The following LSAMP variants were observed in gnomAD, a reference collection of about 807,000 sequenced individuals.
The protein encoded by LSAMP is limbic system-associated membrane protein.
Under a neutral mutation model 38.6 loss-of-function variants are expected in LSAMP, and 7 were observed. That is an observed-to-expected ratio of 0.18 (90% CI 0.10 to 0.34). The LOEUF is 0.34. LSAMP is among the 10% of genes least tolerant of loss of function. LSAMP has a pLI of 1.00. For synonymous variants in LSAMP, 154 were observed against 166.8 expected (o/e 0.92, Z 0.59); for missense variants, 313 against 420.0 (o/e 0.75, Z 2.23).
intron 1 of LSAMP, among the ~76,000 whole-genome samples, chr3:116,175,476 A>T (rs554052316): frequency 6.6e-6 from 1 of 152,150 alleles, no homozygotes; most frequent in African/African-American, 2.4e-5. Flanking sequence ...GAACACTATA[A>T]CTTATTTGTC....
intron 3 of LSAMP, among the ~76,000 whole-genome samples, chr3:115,992,122 AAT>A (rs1261805615): frequency 6.6e-6 from 1 of 152,070 alleles, no homozygotes; most frequent in Admixed American, 6.6e-5. Context: ...TTTTGTATAA[AAT>A]ATGTTATAAA....
rs543257530 is a variant in LSAMP at position 116,356,199 on chromosome 3, A to G, written c.155+88678T>C. On this transcript the variant is annotated intron_variant, in intron 1 of 6. Coordinates refer to ENST00000490035, the MANE Select transcript of LSAMP (RefSeq NM_002338.5). ...CAATCTAAGTGTCCATCAACAGACA[A>G]GTAGATAAAGAAGATGTACATATTA... Among the ~76,000 whole-genome samples the G allele has an allele frequency of 7.4e-4, 113 of 152,342 alleles. 1 individual carries two copies. The highest frequency in any genetic ancestry group is 3.4e-3 in the Middle Eastern group (1 of 294).
In LSAMP at chr3:116,108,537, G is replaced by C. The variant is rs185724432; in HGVS notation, c.156-21981C>G. Among the ~76,000 whole-genome samples, 3 of 152,250 alleles carry C rather than the reference G, an allele frequency of 2.0e-5. No homozygotes were observed. The East Asian group carries it at 5.8e-4, about 29-fold the overall frequency. On this transcript the variant is annotated intron_variant, in intron 1 of 6. Coordinates refer to ENST00000490035, the MANE Select transcript of LSAMP (RefSeq NM_002338.5). ...GAGAGTTACCTGAAGCTCGGCGTCC[G>C]TGATGGTCTACGGTGTTTCCGAGGC...
chr3:116,018,988 G>A (rs1434725638), intron 3 of LSAMP, among the ~76,000 whole-genome samples: 1 of 152,124 alleles, frequency 6.6e-6, no homozygotes, highest in Admixed American at 6.6e-5. Context: ...TTCACAAGGT[G>A]CTACAAGTTA....
At chr3:116,202,334 A>G (rs1271402416) in intron 1 of LSAMP, among the ~76,000 whole-genome samples, 2 of 151,986 alleles carry the variant, frequency 1.3e-5, no homozygotes, top group Non-Finnish European at 2.9e-5. Context: ...GGGTTTCACC[A>G]TGTTGGCCAG....
chr3:116,215,292 G>A (rs1440052982), intron 1 of LSAMP, among the ~76,000 whole-genome samples: 1 of 152,142 alleles, frequency 6.6e-6, no homozygotes, highest in Non-Finnish European at 1.5e-5. Flanking sequence ...TGGTCACTCA[G>A]GTAGGACCCT....
At chr3:115,832,253 G>A (rs1375813510) in intron 6 of LSAMP, among the ~76,000 whole-genome samples, 2 of 152,066 alleles carry the variant, frequency 1.3e-5, no homozygotes, top group African/African-American at 4.8e-5. Flanking sequence ...TGGGAAGGCA[G>A]AAAAAATCTT....
chr3:116,145,015 AT>A (rs765658287), intron 1 of LSAMP, among the ~76,000 whole-genome samples: 71 of 151,942 alleles, frequency 4.7e-4, no homozygotes, highest in Non-Finnish European at 5.0e-4. Context: ...CTGAATTGAT[AT>A]TTCTTTTTAA....
chr3:116,431,347 A>T (rs1219278183), intron 1 of LSAMP, among the ~76,000 whole-genome samples: 2 of 152,126 alleles, frequency 1.3e-5, no homozygotes, highest in African/African-American at 2.4e-5. Flanking sequence ...ATTTAAAAAA[A>T]ATCTATTTGC....
chr3:116,217,577 A>G (rs1342787016), intron 1 of LSAMP, among the ~76,000 whole-genome samples: 1 of 152,200 alleles, frequency 6.6e-6, no homozygotes, highest in Admixed American at 6.5e-5. Flanking sequence ...GAAGAAGTAC[A>G]TTGGATTGCA....
chr3:116,162,188 T>G (rs771098056), intron 1 of LSAMP, among the ~76,000 whole-genome samples: 6 of 152,216 alleles, frequency 3.9e-5, no homozygotes, highest in Non-Finnish European at 7.3e-5. Context: ...ACTAAAATCT[T>G]AGGCAAGCTT....
chr3:116,057,953 ACACC>A (rs1295583111), intron 2 of LSAMP, among the ~76,000 whole-genome samples: 19 of 108,498 alleles, frequency 1.8e-4, no homozygotes, highest in African/African-American at 5.8e-4. Flanking sequence ...ACACACACAC[ACACC>A]CACACACACA....
chr3:116,442,668 G>C (rs1043195327), intron 1 of LSAMP, among the ~76,000 whole-genome samples: 2 of 152,160 alleles, frequency 1.3e-5, no homozygotes, highest in Non-Finnish European at 2.9e-5. Context: ...ATAAAAAAGA[G>C]GGCATGTAAG....
chr3:116,073,810 A>T (rs984108474), intron 2 of LSAMP, among the ~76,000 whole-genome samples: 1 of 152,244 alleles, frequency 6.6e-6, no homozygotes, highest in Non-Finnish European at 1.5e-5. Context: ...TAGTTAATGT[A>T]TGCTTAGTTG....
intron 1 of LSAMP, among the ~76,000 whole-genome samples, chr3:116,136,829 T>G (rs1709260296): frequency 6.6e-6 from 1 of 152,096 alleles, no homozygotes; most frequent in Non-Finnish European, 1.5e-5. Context: ...TATCATAATG[T>G]CAAAGTCACT....
chr3:116,288,684 C>G (rs987755193), intron 1 of LSAMP, among the ~76,000 whole-genome samples: 2 of 152,130 alleles, frequency 1.3e-5, no homozygotes, highest in Non-Finnish European at 1.5e-5. Flanking sequence ...TACATTTTTT[C>G]CCAGCCACTT....
chr3:116,111,979 G>C (rs1222049731), intron 1 of LSAMP, among the ~76,000 whole-genome samples: 2 of 152,144 alleles, frequency 1.3e-5, no homozygotes, highest in Non-Finnish European at 2.9e-5. Flanking sequence ...GACAATAGAA[G>C]GTTTAGGTAG....
intron 1 of LSAMP, among the ~76,000 whole-genome samples, chr3:116,186,999 T>G (rs1044168218): frequency 1.3e-5 from 2 of 152,140 alleles, no homozygotes; most frequent in African/African-American, 4.8e-5. Context: ...TATGTAGTAA[T>G]GCTCATATTC....
At chr3:116,244,331 C>G (rs1019668109) in intron 1 of LSAMP, among the ~76,000 whole-genome samples, 1 of 152,110 alleles carries the variant, frequency 6.6e-6, no homozygotes, top group African/African-American at 2.4e-5. Flanking sequence ...CTGGTTATTC[C>G]TAAATTTATG....
Sources: gnomAD v4.1 joint callset for allele counts (sites outside exome capture counted in the v4.1 genomes callset) on GRCh38, gnomAD v4.1.1 for gene constraint, MANE v1.5 for transcripts, NCBI Gene and HGNC (gene_info 2026-07-23, HGNC 2026-07-21) for gene names.